The following THSD7B variants were observed in gnomAD, a reference collection of about 807,000 sequenced individuals.
THSD7B encodes the protein thrombospondin type-1 domain-containing protein 7B.
In THSD7B, 138 loss-of-function variants were observed where a neutral mutation model predicts 213.6. The observed-to-expected ratio is 0.65, with a 90% CI of 0.56 to 0.74. The LOEUF (loss-of-function observed/expected upper bound fraction) is 0.74. THSD7B is among the 30% of genes least tolerant of loss of function. The probability of loss-of-function intolerance (pLI) is 0.00; values close to 1 mark genes in which losing one functional copy is unlikely to be tolerated. For missense variants in THSD7B, 1,931 were observed against 1,991.5 expected (o/e 0.97, Z 0.58); for synonymous variants, 742 against 687.0 (o/e 1.08, Z -1.25).
At chr2:137,338,872 G>A (rs1046810367) in intron 12 of THSD7B, among the ~76,000 whole-genome samples, 18 of 151,990 alleles carry the variant, frequency 1.2e-4, no homozygotes, top group Admixed American at 3.9e-4. Context: ...GACAAAGTTC[G>A]TGGCTGTGGA....
intron 20 of THSD7B, among the ~76,000 whole-genome samples, chr2:137,629,401 C>T (rs1682697418): frequency 6.6e-6 from 1 of 152,078 alleles, no homozygotes; most frequent in African/African-American, 2.4e-5. Context: ...AATAAGACCC[C>T]AAATCATAAG....
At chr2:137,484,126 C>T (rs1345226772) in intron 15 of THSD7B, among the ~76,000 whole-genome samples, 2 of 150,778 alleles carry the variant, frequency 1.3e-5, no homozygotes. Flanking sequence ...CCCATTACCT[C>T]GTCATTTAGC....
At chr2:137,237,597 A>G (rs144093205) in intron 9 of THSD7B, among the ~76,000 whole-genome samples, 1 of 152,358 alleles carries the variant, frequency 6.6e-6, no homozygotes, top group Admixed American at 6.5e-5. Flanking sequence ...CACACACAGC[A>G]TCAGCACCCC....
intron 2 of THSD7B, among the ~76,000 whole-genome samples, chr2:136,926,544 A>G (rs1347345846): frequency 6.6e-6 from 1 of 151,926 alleles, no homozygotes; most frequent in Non-Finnish European, 1.5e-5. Flanking sequence ...AATACAAAAA[A>G]TTATCCAGCC....
At chr2:137,373,032 CT>C (rs1394963680) in intron 12 of THSD7B, among the ~76,000 whole-genome samples, 1 of 151,638 alleles carries the variant, frequency 6.6e-6, no homozygotes, top group East Asian at 1.9e-4. Flanking sequence ...TGAACTCATC[CT>C]TTTTTATGGC....
intron 23 of THSD7B, 25 bp from the exon 24 acceptor site, chr2:137,657,040 C>G (rs1168169665): frequency 6.2e-7 from 1 of 1,612,974 alleles, no homozygotes; most frequent in Non-Finnish European, 8.5e-7. Flanking sequence ...TGTAATAGAA[C>G]TGCTATTATC....
At chr2:136,901,183 T>C (rs904526588) in intron 2 of THSD7B, among the ~76,000 whole-genome samples, 11 of 152,200 alleles carry the variant, frequency 7.2e-5, no homozygotes, top group African/African-American at 2.2e-4. Context: ...GATCATGCAG[T>C]AAATATTGCT....
At chr2:136,996,125 G>A (rs188486317) in intron 2 of THSD7B, among the ~76,000 whole-genome samples, 1 of 152,242 alleles carries the variant, frequency 6.6e-6, no homozygotes, top group East Asian at 1.9e-4. Flanking sequence ...AATCCTGTGT[G>A]TATTAACACC....
In THSD7B at chr2:137,316,461, A is replaced by C. The variant is rs112213468; in HGVS notation, c.2500+40435A>C. On this transcript the variant is annotated intron_variant, in intron 12 of 27. Transcript: ENST00000409968. Reference sequence around the variant, plus strand: ...ATAGGTTCATACAAGTGAATCATCTAAATAAGAACTAACTGCTGTTAAGAA... The same window carrying C: ...ATAGGTTCATACAAGTGAATCATCTCAATAAGAACTAACTGCTGTTAAGAA... 2.9e-3 allele frequency among the ~76,000 whole-genome samples: 447 copies of C among 152,344 alleles called. 2 individuals are homozygous for C. Among genetic ancestry groups the C allele is most frequent in the Middle Eastern group, 0.01 (3 of 292 alleles).
chr2:137,058,657 C>T (rs939593463), intron 3 of THSD7B, among the ~76,000 whole-genome samples: 1 of 152,092 alleles, frequency 6.6e-6, no homozygotes, highest in Non-Finnish European at 1.5e-5. Context: ...AAATTGTGTT[C>T]CCCTCCCCAA....
Position 137,109,922 on chromosome 2 carries a change from G to A in THSD7B, c.1200-5202G>A, listed in dbSNP as rs544318360. Among the ~76,000 whole-genome samples the A allele has an allele frequency of 3.0e-4, 45 of 152,118 alleles. 1 individual carries two copies. The highest frequency in any genetic ancestry group is 1.4e-3 in the Admixed American group (22 of 15,282). ...ATCCTGTCTCTACTATTCTCCCCTT[G>A]ACCCACCTGTCTTAACCACACTGGC... On this transcript the variant is annotated intron_variant, in intron 4 of 27. Transcript: ENST00000409968.
intron 2 of THSD7B, among the ~76,000 whole-genome samples, chr2:136,994,340 G>A (rs1685840621): frequency 6.6e-6 from 1 of 152,184 alleles, no homozygotes; most frequent in Admixed American, 6.5e-5. Flanking sequence ...GCTGAGGTGG[G>A]CAGATCACGA....
intron 27 of THSD7B, among the ~76,000 whole-genome samples, chr2:137,673,017 T>C (rs138336480): frequency 1.3e-5 from 2 of 152,324 alleles, no homozygotes; most frequent in East Asian, 1.9e-4. Flanking sequence ...AGTTCTGTAA[T>C]GCATTCTTAT....
chr2:136,919,308 G>C (rs1684397125), intron 2 of THSD7B, among the ~76,000 whole-genome samples: 1 of 152,140 alleles, frequency 6.6e-6, no homozygotes, highest in African/African-American at 2.4e-5. Flanking sequence ...TTGGTAATTA[G>C]TACTAACCTC....
intron 2 of THSD7B, among the ~76,000 whole-genome samples, chr2:136,998,500 C>A (rs1685938398): frequency 2.6e-5 from 4 of 152,114 alleles, no homozygotes. Context: ...CTCCTAATGG[C>A]AGAGGCTGGA....
At position 137,619,798 on chromosome 2, in the gene THSD7B, T is replaced by A. The variant is rs972083672; in HGVS notation, c.3682-811T>A. Among the ~76,000 whole-genome samples, 96 of 152,210 alleles carry A rather than the reference T, an allele frequency of 6.3e-4. 2 individuals carry two copies. Among genetic ancestry groups the A allele is most frequent in the Non-Finnish European group, 1.6e-4 (11 of 68,040 alleles). The stretch of plus-strand genomic sequence containing the variant: ...AACAAAACTAGAATATCCATATATC[T>A]CAGATGGATTATAGGTCTCATTATG... On this transcript the variant is annotated intron_variant, in intron 19 of 27. Transcript: ENST00000409968.
chr2:136,969,847 CA>C (rs1309863897), intron 2 of THSD7B, among the ~76,000 whole-genome samples: 1 of 152,150 alleles, frequency 6.6e-6, no homozygotes, highest in Non-Finnish European at 1.5e-5. Flanking sequence ...ATGAGCTTTT[CA>C]GTGTTCAATG....
chr2:137,402,028 T>G (rs1686378225), intron 12 of THSD7B, among the ~76,000 whole-genome samples: 1 of 152,194 alleles, frequency 6.6e-6, no homozygotes, highest in South Asian at 2.1e-4. Flanking sequence ...GGAGAATGTG[T>G]GTACATATAC....
intron 15 of THSD7B, among the ~76,000 whole-genome samples, chr2:137,534,766 G>A (rs770425839): frequency 3.0e-4 from 46 of 151,650 alleles, no homozygotes; most frequent in Non-Finnish European, 5.3e-4. Flanking sequence ...AAGCTGAAAA[G>A]CATATTTCTT....
Sources: allele counts gnomAD v4.1 joint callset (sites outside exome capture counted in the v4.1 genomes callset), GRCh38; gene constraint gnomAD v4.1.1; transcripts MANE v1.5; gene names NCBI Gene and HGNC (gene_info 2026-07-23, HGNC 2026-07-21).